The following PDZRN3 variants were observed in gnomAD, a reference collection of about 807,000 sequenced individuals.
PDZRN3 encodes E3 ubiquitin-protein ligase PDZRN3.
A neutral mutation model predicts 85.7 loss-of-function variants in PDZRN3; 38 were observed. That is an observed-to-expected ratio of 0.44 (90% confidence interval 0.34 to 0.58). PDZRN3 has a LOEUF of 0.58. Among genes scored for constraint, PDZRN3 ranks in the 20% least tolerant of loss-of-function variants. The probability of loss-of-function intolerance (pLI) is 0.01; values close to 1 mark genes in which losing one functional copy is unlikely to be tolerated. For missense variants in PDZRN3, 1,629 were observed against 1,506.4 expected, an observed-to-expected ratio of 1.08 and a Z score of -1.35; for synonymous variants, 759 against 638.0, an observed-to-expected ratio of 1.19 and a Z score of -2.86.
chr3:73,541,685 G>C (rs576051194), intron 3 of PDZRN3, among the ~76,000 whole-genome samples: 20 of 152,184 alleles, frequency 1.3e-4, no homozygotes, highest in African/African-American at 4.8e-4. Flanking sequence ...ATAACTATTA[G>C]CAAAGTCTCA....
rs539789517 is a variant in PDZRN3 at position 73,396,557 on chromosome 3, T to A, written c.1254+4365A>T. On this transcript the variant is annotated intron_variant, in intron 5 of 9. Coordinates refer to ENST00000263666, the MANE Select transcript of PDZRN3 (RefSeq NM_015009.3). ...GCATCCTGCATAATCTCCAGGTCAA[T>A]CCTGGTTCCCTTCTGATATACTTAG... Among the ~76,000 whole-genome samples, 22 of 152,330 alleles carry A rather than the reference T, an allele frequency of 1.4e-4. No individual in the cohort carries two copies. The South Asian group carries it at 4.6e-3, about 32-fold the overall frequency.
intron 3 of PDZRN3, among the ~76,000 whole-genome samples, chr3:73,405,173 A>G (rs1481093346): frequency 6.6e-6 from 1 of 152,220 alleles, no homozygotes; most frequent in Admixed American, 6.5e-5. Flanking sequence ...AAACCTCATG[A>G]GAGGACCTTA....
Position 73,513,483 on chromosome 3 carries a change from C to T in PDZRN3, c.918+88871G>A, listed in dbSNP as rs533711598. Among the ~76,000 whole-genome samples the T allele has an allele frequency of 3.3e-5, 5 of 152,314 alleles. No homozygotes were observed. The South Asian group carries it at 1.0e-3, about 32-fold the overall frequency. On this transcript the variant is annotated intron_variant, in intron 3 of 9. Coordinates refer to ENST00000263666, the MANE Select transcript of PDZRN3 (RefSeq NM_015009.3). ...TGCTCAGCCCTAGGTTAATGATTAA[C>T]GTGCTGGACCCTGGCCAGTTAAGAA...
intron 3 of PDZRN3, chr3:73,561,474 A>T (rs1413461429): frequency 6.6e-6 from 1 of 152,248 alleles, no homozygotes; most frequent in Non-Finnish European, 1.5e-5. Flanking sequence ...GGTGCCTCAG[A>T]AGTCTAGAGC....
At chr3:73,497,018 G>T (rs1254223950) in intron 3 of PDZRN3, among the ~76,000 whole-genome samples, 1 of 152,170 alleles carries the variant, frequency 6.6e-6, no homozygotes, top group Non-Finnish European at 1.5e-5. Flanking sequence ...AAATTATATG[G>T]TGACTCTGAT....
chr3:73,454,918 G>C (rs1275827458), intron 3 of PDZRN3, among the ~76,000 whole-genome samples: 1 of 150,506 alleles, frequency 6.6e-6, no homozygotes, highest in African/African-American at 2.4e-5. Context: ...TTGCGATCTT[G>C]GTTGGACTGA....
At chr3:73,406,855 TGTGTCCAGAAAGGAAC>T (rs1701865192) in intron 3 of PDZRN3, among the ~76,000 whole-genome samples, 3 of 152,216 alleles carry the variant, frequency 2.0e-5, no homozygotes, top group African/African-American at 7.2e-5. Flanking sequence ...ATCTTCTAGT[TGTGTCCAGAAAGGAAC>T]CTATGAGTTT....
At chr3:73,507,468 C>T (rs916639493) in intron 3 of PDZRN3, among the ~76,000 whole-genome samples, 1 of 152,220 alleles carries the variant, frequency 6.6e-6, no homozygotes, top group African/African-American at 2.4e-5. Flanking sequence ...CCGTGCCCGG[C>T]CATTTCATTC....
At chr3:73,468,035 C>T (rs1473685927) in intron 3 of PDZRN3, among the ~76,000 whole-genome samples, 2 of 151,940 alleles carry the variant, frequency 1.3e-5, no homozygotes, top group Non-Finnish European at 2.9e-5. Context: ...CACAACAATG[C>T]AAATATATTT....
At chr3:73,593,232 T>C (rs1033781182) in intron 3 of PDZRN3, among the ~76,000 whole-genome samples, 20 of 152,246 alleles carry the variant, frequency 1.3e-4, no homozygotes, top group Non-Finnish European at 1.3e-4. Flanking sequence ...TTTTGTTTTA[T>C]GGTCCTCAGG....
chr3:73,608,392 TA>T, intron 2 of PDZRN3, among the ~76,000 whole-genome samples: 1 of 152,244 alleles, frequency 6.6e-6, no homozygotes, highest in South Asian at 2.1e-4. Context: ...AATTAGCTGT[TA>T]TATTACTAGG....
At chr3:73,598,691 A>G (rs900734705) in intron 3 of PDZRN3, among the ~76,000 whole-genome samples, 4 of 152,226 alleles carry the variant, frequency 2.6e-5, no homozygotes, top group Non-Finnish European at 5.9e-5. Flanking sequence ...CCACAGCCCC[A>G]GGACAGGCCA....
rs560206387 is a variant in PDZRN3, at chr3:73,576,439, T to C, written c.918+25915A>G. Among the ~76,000 whole-genome samples the C allele has an allele frequency of 1.7e-4, 26 of 152,244 alleles. No individual in the cohort carries two copies. In the East Asian group the frequency reaches 4.6e-3, roughly 27 times the overall value. On this transcript the variant is annotated intron_variant, in intron 3 of 9. Transcript: ENST00000263666. ...AACTGCTAGTGTTTCTAGGTTCCAG[T>C]GTGCCAAAGAAGAATGCCATAGCCT... is the stretch of plus-strand genomic sequence containing the variant.
chr3:73,430,656 G>A (rs1005340801), intron 3 of PDZRN3, among the ~76,000 whole-genome samples: 4 of 152,130 alleles, frequency 2.6e-5, no homozygotes, highest in African/African-American at 9.7e-5. Context: ...AACCCACAGA[G>A]CCACAGACTT....
At chr3:73,496,710 A>C (rs951229182) in intron 3 of PDZRN3, among the ~76,000 whole-genome samples, 2 of 152,222 alleles carry the variant, frequency 1.3e-5, no homozygotes, top group Non-Finnish European at 2.9e-5. Flanking sequence ...AAAAGGTAAA[A>C]AAATTAAAAA....
At chr3:73,512,653 T>A (rs1350958919) in intron 3 of PDZRN3, among the ~76,000 whole-genome samples, 1 of 152,172 alleles carries the variant, frequency 6.6e-6, no homozygotes, top group Non-Finnish European at 1.5e-5. Context: ...TTAACTTGCC[T>A]GTTATAGTAA....
At position 73,433,796 on chromosome 3, in the gene PDZRN3, T is replaced by C. The variant is rs981175281; in HGVS notation, c.919-29401A>G. ...ACAGTGCAGGCATTGAAGGTATCCT[T>C]GGAGAGCCTCAGGTGAGTCAAGCGA... On this transcript the variant is annotated intron_variant, in intron 3 of 9. Coordinates refer to ENST00000263666, the MANE Select transcript of PDZRN3 (RefSeq NM_015009.3). The C allele has an allele frequency of 1.5e-5, 23 of 1,514,242 alleles. No individual in the cohort carries two copies. In the African/African-American group the frequency reaches 2.8e-4, roughly 18 times the overall value. The allele number at this position is 1,514,242 out of a possible 1,614,324, so 93.8% of individuals were successfully genotyped here.
chr3:73,539,358 T>G (rs757834772), intron 3 of PDZRN3, among the ~76,000 whole-genome samples: 1 of 152,112 alleles, frequency 6.6e-6, no homozygotes, highest in African/African-American at 2.4e-5. Flanking sequence ...AAATTGAGGT[T>G]GTAGTGGGTT....
chr3:73,478,193 C>G (rs961362814), intron 3 of PDZRN3, among the ~76,000 whole-genome samples: 6 of 152,104 alleles, frequency 3.9e-5, no homozygotes, highest in Admixed American at 1.3e-4. Flanking sequence ...AGGACTGGTA[C>G]CAGTCTGTGG....
Sources: allele counts gnomAD v4.1 joint callset (sites outside exome capture counted in the v4.1 genomes callset), GRCh38; gene constraint gnomAD v4.1.1; transcripts MANE v1.5; gene names NCBI Gene and HGNC (gene_info 2026-07-23, HGNC 2026-07-21).